Variants in UBTD2 observed in about 807,000 individuals in gnomAD.
UBTD2 encodes ubiquitin domain-containing protein 2.
In UBTD2, 9 loss-of-function variants were observed where a neutral mutation model predicts 19.8. The observed-to-expected ratio is 0.46, with a 90% CI of 0.27 to 0.79. The LOEUF (loss-of-function observed/expected upper bound fraction) is 0.79. Ranked by LOEUF, UBTD2 falls within the 30% of genes least tolerant of loss-of-function variation. The pLI, the probability that UBTD2 is intolerant of heterozygous loss-of-function variation, is 0.14. For missense variants in UBTD2, 250 were observed against 300.4 expected (o/e 0.83, Z 1.24); for synonymous variants, 98 against 103.9 (o/e 0.94, Z 0.35).
intron 1 of UBTD2, among the ~76,000 whole-genome samples, chr5:172,266,172 C>T (rs1755373660): frequency 6.6e-6 from 1 of 152,024 alleles, no homozygotes; most frequent in African/African-American, 2.4e-5. Flanking sequence ...CTCAGCTGAT[C>T]CACTCGCCTC....
At position 172,253,545 on chromosome 5, in the gene UBTD2, C is replaced by T. The variant is rs1755072046; in HGVS notation, c.71-19187G>A. ...CTCCACTCACTGCAACCTCCACCTC[C>T]TGGGTTCAAGCAATTCTCTTGCCTT... On this transcript the variant is annotated intron_variant, in intron 1 of 2. Coordinates refer to ENST00000393792, the MANE Select transcript of UBTD2 (RefSeq NM_152277.3). Among the ~76,000 whole-genome samples, 3 of 151,958 alleles carry T rather than the reference C, an allele frequency of 2.0e-5. No individual in the cohort carries two copies. In the South Asian group the frequency reaches 6.2e-4, roughly 32 times the overall value.
chr5:172,237,238 C>T (rs928122135), intron 1 of UBTD2, among the ~76,000 whole-genome samples: 8 of 152,124 alleles, frequency 5.3e-5, no homozygotes, highest in Non-Finnish European at 4.4e-5. Flanking sequence ...GGACTACAGG[C>T]CCGCGCCACC....
In UBTD2 at chr5:172,212,036, C is replaced by G. The variant is rs886801414; in HGVS notation, c.499G>C (p.Val167Leu). The G allele has an allele frequency of 6.2e-7, 1 of 1,614,126 alleles. No homozygotes were observed. The highest frequency in any genetic ancestry group is 8.5e-7 in the Non-Finnish European group (1 of 1,180,046). Residue 167 changes from valine (V) to leucine (L), a missense_variant, in exon 3 of 3, where the codon GTG (valine) becomes CTG (leucine). Coordinates refer to ENST00000393792, the MANE Select transcript of UBTD2 (RefSeq NM_152277.3). Reference protein sequence around the residue: ...RLSTGKDLKLVVRSTDTVFHM... With the variant: ...RLSTGKDLKLLVRSTDTVFHM... ...AATACTGTGTCTGTGCTGCGAACCACAAGCTTGAGGTCTTTGCCTGTGGAA... is the reference window on the plus strand; with the variant it reads ...AATACTGTGTCTGTGCTGCGAACCAGAAGCTTGAGGTCTTTGCCTGTGGAA...
rs1418832105 is a variant in UBTD2, at chr5:172,211,087, C to T, written c.*743G>A. 5 of 152,180 alleles carry T rather than the reference C, an allele frequency of 3.3e-5. No individual in the cohort carries two copies. Among genetic ancestry groups the T allele is most frequent in the Non-Finnish European group, 7.3e-5 (5 of 68,030 alleles). 9.4% of individuals were successfully genotyped at this position (152,180 alleles called of 1,614,324 possible). ...TGACAGCGACTTTTCAACTGAGTATCTGTTGAAACTCAAGAGACCTGACTG... is the reference window on the plus strand; with the variant it reads ...TGACAGCGACTTTTCAACTGAGTATTTGTTGAAACTCAAGAGACCTGACTG... On this transcript the variant is annotated 3_prime_UTR_variant, in exon 3 of 3. Coordinates refer to ENST00000393792, the MANE Select transcript of UBTD2 (RefSeq NM_152277.3).
chr5:172,254,517 G>A (rs1288753593), intron 1 of UBTD2: 3 of 571,158 alleles, frequency 5.3e-6, no homozygotes, highest in Non-Finnish European at 9.5e-6. Context: ...CCGAGCAAAC[G>A]TCCATGTGCA....
intron 1 of UBTD2, among the ~76,000 whole-genome samples, chr5:172,266,462 A>G (rs1270554115): frequency 6.6e-6 from 1 of 152,166 alleles, no homozygotes; most frequent in South Asian, 2.1e-4. Context: ...TCTGGTTCCT[A>G]CTTCACAAGC....
intron 2 of UBTD2, among the ~76,000 whole-genome samples, chr5:172,228,959 A>G (rs1382332075): frequency 6.6e-6 from 1 of 152,146 alleles, no homozygotes; most frequent in Non-Finnish European, 1.5e-5. Context: ...TCCCACCCAT[A>G]TAACAAACTC....
intron 2 of UBTD2, among the ~76,000 whole-genome samples, chr5:172,215,098 G>A (rs935167470): frequency 2.0e-5 from 3 of 152,184 alleles, no homozygotes; most frequent in African/African-American, 7.2e-5. Context: ...ATGTAACCAA[G>A]TGAATTGCTA....
At chr5:172,274,575 A>G (rs1366503670) in intron 1 of UBTD2, among the ~76,000 whole-genome samples, 1 of 152,188 alleles carries the variant, frequency 6.6e-6, no homozygotes, top group Non-Finnish European at 1.5e-5. Context: ...CTTGGTGAAG[A>G]AAGTCTTACA....
chr5:172,236,167 C>T (rs114596966), intron 1 of UBTD2, among the ~76,000 whole-genome samples: 2,131 of 152,300 alleles, frequency 0.014, 40 homozygotes, highest in African/African-American at 0.048. Context: ...CAGGGTGGCA[C>T]ACCAAAAGAC....
At chr5:172,277,247 G>T (rs1195643829) in intron 1 of UBTD2, among the ~76,000 whole-genome samples, 1 of 152,028 alleles carries the variant, frequency 6.6e-6, no homozygotes, top group Non-Finnish European at 1.5e-5. Flanking sequence ...GGAAATAAAA[G>T]TTTTCCACTT....
At position 172,283,764 on chromosome 5, in the gene UBTD2, C is replaced by G; in HGVS notation, c.-99G>C. On this transcript the variant is annotated 5_prime_UTR_variant, in exon 1 of 3. Coordinates refer to ENST00000393792, the MANE Select transcript of UBTD2 (RefSeq NM_152277.3). This position sits in a 1 kb window ranked among gnomAD's most constrained non-coding sequence, Gnocchi z 4.3. ...TCCGGCGCCACCGCCGAGCTCCGGA[C>G]AGGCGCGCCGCTCCGCTCGCCCGCC... The G allele has an allele frequency of 2.3e-6, 2 of 852,086 alleles. No individual in the cohort carries two copies. The highest frequency in any genetic ancestry group is 5.5e-5 in the South Asian group (1 of 18,328). 52.8% of individuals were successfully genotyped at this position (852,086 alleles called of 1,614,324 possible).
rs1052021352 is a variant in UBTD2, at chr5:172,210,675, A to G, written c.*1155T>C. The G allele has an allele frequency of 1.3e-5, 2 of 152,188 alleles. No individual in the cohort carries two copies. The highest frequency in any genetic ancestry group is 4.8e-5 in the African/African-American group (2 of 41,432). 9.4% of individuals were successfully genotyped at this position (152,188 alleles called of 1,614,324 possible). On this transcript the variant is annotated 3_prime_UTR_variant, in exon 3 of 3. Coordinates refer to ENST00000393792, the MANE Select transcript of UBTD2 (RefSeq NM_152277.3). ...AGTGAACTGGAAAGCACTAAGGTAT[A>G]AAGCAATGTTTCATTATTTGGTCTC...
chr5:172,277,076 A>G (rs1215739290), intron 1 of UBTD2, among the ~76,000 whole-genome samples: 16 of 129,026 alleles, frequency 1.2e-4, no homozygotes, highest in South Asian at 2.7e-4. Flanking sequence ...TCAAAAAAAA[A>G]AAAAAAAAAA....
chr5:172,267,885 A>G (rs1338860811), intron 1 of UBTD2, among the ~76,000 whole-genome samples: 1 of 152,264 alleles, frequency 6.6e-6, no homozygotes, highest in Non-Finnish European at 1.5e-5. Flanking sequence ...ATTTAAGGTC[A>G]TAAAGAAACG....
chr5:172,280,565 C>T (rs141912511), intron 1 of UBTD2, among the ~76,000 whole-genome samples: 68 of 149,732 alleles, frequency 4.5e-4, no homozygotes, highest in African/African-American at 1.6e-3. Flanking sequence ...GGCCAGAGGA[C>T]TGCCTGAGCC....
intron 1 of UBTD2, among the ~76,000 whole-genome samples, chr5:172,243,597 T>C (rs1009130515): frequency 6.8e-6 from 1 of 146,428 alleles, no homozygotes; most frequent in African/African-American, 2.7e-5. Flanking sequence ...AGTTTTTCTC[T>C]TGTCACCTAG....
intron 1 of UBTD2, among the ~76,000 whole-genome samples, chr5:172,266,848 G>A (rs144598882): frequency 8.5e-5 from 13 of 152,094 alleles, no homozygotes; most frequent in African/African-American, 2.9e-4. Context: ...GATCAGCCTG[G>A]GCAACAAAAC....
At chr5:172,267,530 CTCA>C (rs1755401463) in intron 1 of UBTD2, among the ~76,000 whole-genome samples, 2 of 152,178 alleles carry the variant, frequency 1.3e-5, no homozygotes, top group Admixed American at 1.3e-4. Flanking sequence ...AGTATACGCT[CTCA>C]TCAACACGAA....
Sources: gnomAD v4.1 joint callset for allele counts (sites outside exome capture counted in the v4.1 genomes callset) on GRCh38, gnomAD v4.1.1 for gene constraint, Gnocchi (gnomAD v3.1) non-coding constraint, MANE v1.5 for transcripts, NCBI Gene and HGNC (gene_info 2026-07-23, HGNC 2026-07-21) for gene names.